STN1: variants seen among roughly 807,000 people sequenced by gnomAD.
The protein encoded by STN1 is STN1 subunit of CST complex.
STN1 carries 29 observed loss-of-function variants against 45.5 expected under a neutral mutation model. The observed-to-expected ratio is 0.64, with a 90% CI of 0.47 to 0.87. The LOEUF is 0.87. Ranked by LOEUF, STN1 falls within the 40% of genes least tolerant of loss-of-function variation. STN1 has a pLI of 0.00. For synonymous variants in STN1, 148 were observed against 159.0 expected (o/e 0.93, Z 0.52); for missense variants, 376 against 441.4 (o/e 0.85, Z 1.33).
intron 9 of STN1, among the ~76,000 whole-genome samples, chr10:103,887,590 A>G (rs1427711635): frequency 6.6e-6 from 1 of 152,164 alleles, no homozygotes; most frequent in African/African-American, 2.4e-5. Context: ...CAGTCCTTAT[A>G]ACATCTTTTA....
Position 103,910,629 on chromosome 10 carries a change from T to A in STN1, c.134-7A>T, listed in dbSNP as rs763489053. On this transcript the variant is annotated splice_polypyrimidine_tract_variant and splice_region_variant and intron_variant, in intron 2 of 9. Transcript: ENST00000224950. ...CCATTGTACAAAAATACACCTAAAA[T>A]TTAAAAAAAGCAAAGTCGACATAAT... The A allele has an allele frequency of 4.5e-6, 7 of 1,566,386 alleles. No homozygotes were observed. The African/African-American group carries it at 8.1e-5, about 18-fold the overall frequency.
In STN1 at chr10:103,889,135, C is replaced by T. The variant is rs1230760638; in HGVS notation, c.886G>A (p.Glu296Lys). 2 of 1,611,654 alleles carry T rather than the reference C, an allele frequency of 1.2e-6. No homozygotes were observed. Among genetic ancestry groups the T allele is most frequent in the Non-Finnish European group, 1.7e-6 (2 of 1,177,906 alleles). Reference sequence around the variant, plus strand: ...ATCTTTCTGTGCAGGTCTTTGTCTTCTCTGGTTACCTAAATAGGAAAAATA... The same window carrying T: ...ATCTTTCTGTGCAGGTCTTTGTCTTTTCTGGTTACCTAAATAGGAAAAATA... ...GFDNLYYVTR[E>K]DKDLHRKIHR... The change falls in exon 9 of 10, where the codon GAA (glutamate) becomes AAA (lysine). Residue 296 changes from glutamate to lysine, a missense_variant. Physicochemically the swap from Glu to Lys is moderately conservative, Grantham distance 56. Transcript: ENST00000224950.
rs918396572 is a variant in STN1 at position 103,880,799 on chromosome 10, G to A, written c.*1885C>T. ...GGCAGAGCACTGAACAAAGGAACCT[G>A]AGAAGGAGCAACCAGAGAGCTTGGT... On this transcript the variant is annotated 3_prime_UTR_variant, in exon 10 of 10. Transcript: ENST00000224950. Among the ~76,000 whole-genome samples, 1 of 152,212 alleles carries A rather than the reference G, an allele frequency of 6.6e-6. No individual in the cohort carries two copies.
At position 103,909,418 on chromosome 10, in the gene STN1, ATATATGTATATATATGTATATATATG is replaced by A. The variant is rs1564635002; in HGVS notation, c.229+1083_229+1108del. 2.7e-3 allele frequency among the ~76,000 whole-genome samples: 108 copies of A among 39,440 alleles called. 12 individuals are homozygous for A. Among genetic ancestry groups the A allele is most frequent in the Non-Finnish European group, 4.5e-3 (82 of 18,198 alleles). 25.9% of individuals were successfully genotyped at this position (39,440 alleles called of 152,430 possible). On this transcript the variant is annotated intron_variant, in intron 3 of 9. Coordinates refer to ENST00000224950, the MANE Select transcript of STN1 (RefSeq NM_024928.5). ...TATATGTATATATATGTATATATGT[ATATATGTATATATATGTATATATATG>A]TATATATGTATATATGTATATATAT...
intron 9 of STN1, 58 bp from the exon 10 acceptor site, chr10:103,882,899 C>T: frequency 1.3e-6 from 2 of 1,508,284 alleles, no homozygotes; most frequent in East Asian, 2.3e-5. Flanking sequence ...CTCCTCTGTC[C>T]TCTCCATACC....
intron 9 of STN1, among the ~76,000 whole-genome samples, chr10:103,887,863 AAAT>A (rs1843114063): frequency 6.6e-6 from 1 of 152,190 alleles, no homozygotes; most frequent in African/African-American, 2.4e-5. Flanking sequence ...ATGCAGATGA[AAAT>A]AAGAACCTGG....
At chr10:103,900,255 A>G (rs774190985) in intron 4 of STN1, 32 bp from the exon 5 acceptor site, 2 of 1,608,966 alleles carry the variant, frequency 1.2e-6, no homozygotes, top group Middle Eastern at 1.7e-4. Context: ...GGGAAAGAGA[A>G]AAAGTTATAA....
intron 1 of STN1, 22 bp from the exon 2 acceptor site, chr10:103,917,678 G>A (rs964835700): frequency 1.3e-6 from 2 of 1,484,988 alleles, no homozygotes; most frequent in African/African-American, 2.8e-5. Context: ...ACAGAAATGA[G>A]GATGCAATGC....
At chr10:103,900,288 TG>T in intron 4 of STN1, 65 bp from the exon 5 acceptor site, 1 of 1,527,340 alleles carries the variant, frequency 6.5e-7, no homozygotes, top group Admixed American at 1.8e-5. Flanking sequence ...ACCACATCTG[TG>T]AGACAGTTTT....
chr10:103,905,499 A>G (rs1020144499), intron 3 of STN1, among the ~76,000 whole-genome samples: 3 of 152,236 alleles, frequency 2.0e-5, no homozygotes, highest in African/African-American at 7.2e-5. Context: ...AGTTAAGTGC[A>G]AAAACTGAAT....
rs144110755 is a variant in STN1, at chr10:103,880,705, T to C, written c.*1979A>G. Among the ~76,000 whole-genome samples, 86 of 152,324 alleles carry C rather than the reference T, an allele frequency of 5.6e-4. No homozygotes were observed. Among genetic ancestry groups the C allele is most frequent in the African/African-American group, 1.9e-3 (79 of 41,574 alleles). On this transcript the variant is annotated 3_prime_UTR_variant, in exon 10 of 10. Transcript: ENST00000224950. ...GACAGCATGTAGATGGTATAATCCA[T>C]GTGGCTGCTGGAGACACCCCAGTGA...
intron 2 of STN1, among the ~76,000 whole-genome samples, chr10:103,910,952 A>T (rs531794142): frequency 6.6e-6 from 1 of 151,712 alleles, no homozygotes; most frequent in South Asian, 2.1e-4. Context: ...GACCAAACAC[A>T]GGACTATATT....
intron 2 of STN1, among the ~76,000 whole-genome samples, chr10:103,914,024 T>C (rs961899478): frequency 2.6e-5 from 4 of 152,188 alleles, no homozygotes; most frequent in Non-Finnish European, 5.9e-5. Flanking sequence ...ATTTGACTGT[T>C]TTCTCTTTTT....
chr10:103,908,435 G>C (rs896608871), intron 3 of STN1, among the ~76,000 whole-genome samples: 1 of 152,156 alleles, frequency 6.6e-6, no homozygotes, highest in African/African-American at 2.4e-5. Context: ...TTTCAGCTGC[G>C]GGATGAGTCA....
chr10:103,914,372 A>ATTTTTTTTT, intron 2 of STN1, among the ~76,000 whole-genome samples: 1 of 82,702 alleles, frequency 1.2e-5, no homozygotes, highest in Non-Finnish European at 2.2e-5. Flanking sequence ...ATATATATAT[A>ATTTTTTTTT]TATTTTTTTT....
chr10:103,917,597 A>G lies in STN1; in HGVS notation c.-3T>C. On this transcript the variant is annotated 5_prime_UTR_variant, in exon 2 of 10. Coordinates refer to ENST00000224950, the MANE Select transcript of STN1 (RefSeq NM_024928.5). ...CACCGGCTGGATCCAGGCTGCATCAAGAGGCAGGGCTGTGGCTTCCAGCTA... is the reference window on the plus strand; with the variant it reads ...CACCGGCTGGATCCAGGCTGCATCAGGAGGCAGGGCTGTGGCTTCCAGCTA... 1 of 1,613,708 alleles carries G rather than the reference A, an allele frequency of 6.2e-7. No homozygotes were observed. The highest frequency in any genetic ancestry group is 8.5e-7 in the Non-Finnish European group (1 of 1,179,732).
chr10:103,894,321 G>A (rs1452646288), intron 7 of STN1, among the ~76,000 whole-genome samples: 1 of 151,954 alleles, frequency 6.6e-6, no homozygotes, highest in African/African-American at 2.4e-5. Flanking sequence ...ATGACTCTTG[G>A]TTATCCCCAA....
At chr10:103,885,540 G>A (rs915346570) in intron 9 of STN1, among the ~76,000 whole-genome samples, 28 of 152,062 alleles carry the variant, frequency 1.8e-4, no homozygotes, top group African/African-American at 5.3e-4. Flanking sequence ...CAGTCACTTC[G>A]GTAATGTGAA....
At chr10:103,916,194 T>C (rs80109040) in intron 2 of STN1, among the ~76,000 whole-genome samples, 9,609 of 152,276 alleles carry the variant, frequency 0.063, 489 homozygotes, top group East Asian at 0.16. Context: ...TCACTGGTCC[T>C]GTTTTTGTTG....
Sources: allele counts gnomAD v4.1 joint callset (sites outside exome capture counted in the v4.1 genomes callset), GRCh38; gene constraint gnomAD v4.1.1; transcripts MANE v1.5; gene names NCBI Gene and HGNC (gene_info 2026-07-23, HGNC 2026-07-21).